The following TEX11 variants were observed in gnomAD, a reference collection of about 807,000 sequenced individuals.
TEX11 encodes the protein testis expressed 11, also known as testis-expressed protein 11.
Under a neutral mutation model 84.4 loss-of-function variants are expected in TEX11, and 7 were observed. The ratio of observed to expected loss-of-function variants is 0.08; its 90% CI spans 0.05 to 0.16. TEX11 has a LOEUF of 0.16. Ranked by LOEUF, TEX11 falls within the 10% of genes least tolerant of loss-of-function variation. TEX11 has a pLI of 1.00. For missense variants in TEX11, 551 were observed against 660.5 expected (o/e 0.83, Z 1.82); for synonymous variants, 264 against 222.8 (o/e 1.18, Z -1.64).
At chrX:70,677,883 G>A (rs984541029) in intron 15 of TEX11, among the ~76,000 whole-genome samples, 1 of 96,177 alleles carries the variant, frequency 1.0e-5, no homozygotes, top group African/African-American at 4.0e-5. Context: ...GCGCGATCTC[G>A]GCTCACTGCA....
chrX:70,857,200 C>A, intron 5 of TEX11: 1 of 119,751 alleles, frequency 8.4e-6, no homozygotes, highest in South Asian at 3.3e-4. Flanking sequence ...GGGAGTCAGG[C>A]GTAGACTTGA....
In TEX11 at chrX:70,853,061, G is replaced by A. The variant is rs755626796; in HGVS notation, c.498C>T (p.Phe166=). The A allele has an allele frequency of 1.7e-6, 2 of 1,209,190 alleles. No individual in the cohort carries two copies. Among genetic ancestry groups the A allele is most frequent in the South Asian group, 3.5e-5 (2 of 56,492 alleles). Residue 166 remains phenylalanine, a synonymous_variant, in exon 7 of 30, where the codon TTC becomes TTT. Coordinates refer to ENST00000374333, the MANE Select transcript of TEX11 (RefSeq NM_031276.3). The part of the protein sequence containing the change: ...MEKITVESDH[F]RVLSYQAESA... ...ACTCTGCTTGGTAAGAAAGCACTCTGAAGTGGTCACTCTCAACAGTAATCT... is the reference window on the plus strand; with the variant it reads ...ACTCTGCTTGGTAAGAAAGCACTCTAAAGTGGTCACTCTCAACAGTAATCT...
rs140935829 is a variant in TEX11, at chrX:70,531,636, G to A, written c.2521-1637C>T. Among the ~76,000 whole-genome samples the A allele has an allele frequency of 4.8e-3, 533 of 111,607 alleles. 4 individuals carry two copies. Among genetic ancestry groups the A allele is most frequent in the Middle Eastern group, 0.014 (3 of 217 alleles). ...AGAGACAGAAAGGAGATTTGTGGTT[G>A]CCAGGGGCTGGGGAAGGGAGGTATG... On this transcript the variant is annotated intron_variant, in intron 28 of 29. Coordinates refer to ENST00000374333, the MANE Select transcript of TEX11 (RefSeq NM_031276.3).
intron 18 of TEX11, among the ~76,000 whole-genome samples, chrX:70,626,408 C>T (rs1023918402): frequency 9.1e-6 from 1 of 110,340 alleles, no homozygotes; most frequent in African/African-American, 3.3e-5. Flanking sequence ...ACACATTCTA[C>T]TTTCTGTCTA....
At chrX:70,635,388 C>T (rs898474565) in intron 17 of TEX11, among the ~76,000 whole-genome samples, 4 of 112,124 alleles carry the variant, frequency 3.6e-5, no homozygotes, top group Non-Finnish European at 7.5e-5. Flanking sequence ...TCCTGCAGAC[C>T]CAGGCTCCAG....
rs1205300375 is a variant in TEX11 at position 70,599,677 on chromosome X, A to C, written c.2067+5724T>G. 7.0e-3 allele frequency among the ~76,000 whole-genome samples: 314 copies of C among 44,700 alleles called. 1 individual carries two copies. The highest frequency in any genetic ancestry group is 9.8e-3 in the Non-Finnish European group (255 of 26,032). The allele number at this position is 44,700 out of a possible 115,157, so 38.8% of individuals were successfully genotyped here. A position where few individuals can be genotyped will look rare whatever the true frequency, so the allele number is the denominator to read the frequency against. On this transcript the variant is annotated intron_variant, in intron 24 of 29. Transcript: ENST00000374333. The stretch of plus-strand genomic sequence containing the variant: ...CAATGCTATCCCTCCCCCTCCCCCC[A>C]CCCCACAACAGTCCCCAGAGTGTGA...
chrX:70,827,037 G>T (rs1327769722), intron 8 of TEX11, among the ~76,000 whole-genome samples: 2 of 111,328 alleles, frequency 1.8e-5, no homozygotes, highest in Non-Finnish European at 3.8e-5. Context: ...GGGAAGGGAA[G>T]AGTAAAGAGG....
intron 15 of TEX11, among the ~76,000 whole-genome samples, chrX:70,675,207 C>T (rs2090060228): frequency 8.9e-6 from 1 of 111,857 alleles, no homozygotes; most frequent in Non-Finnish European, 1.9e-5. Flanking sequence ...AAAATCTTAT[C>T]AATTACTCAT....
At chrX:70,537,771 A>G (rs1324827063) in intron 28 of TEX11, among the ~76,000 whole-genome samples, 1 of 111,136 alleles carries the variant, frequency 9.0e-6, no homozygotes, top group Non-Finnish European at 1.9e-5. Context: ...GGTGGCTTAT[A>G]TGGGAGGTAG....
At chrX:70,733,434 A>G (rs937843879) in intron 11 of TEX11, among the ~76,000 whole-genome samples, 1 of 111,874 alleles carries the variant, frequency 8.9e-6, no homozygotes, top group African/African-American at 3.3e-5. Flanking sequence ...AGAATCTACA[A>G]TGAACTGAAA....
intron 28 of TEX11, among the ~76,000 whole-genome samples, chrX:70,550,924 C>T (rs754258630): frequency 8.9e-6 from 1 of 111,796 alleles, no homozygotes; most frequent in African/African-American, 3.3e-5. Flanking sequence ...GAAAGGAAAT[C>T]AGTATATCAA....
intron 2 of TEX11, among the ~76,000 whole-genome samples, chrX:70,888,810 A>G (rs1003541954): frequency 1.8e-5 from 2 of 111,785 alleles, no homozygotes; most frequent in African/African-American, 6.5e-5. Context: ...GCTCAAGGAT[A>G]AAGAAAAGAT....
chrX:70,833,496 A>G lies in TEX11; in HGVS notation c.606+17T>C, dbSNP rs200906031. ...TAGCATATTTTCAAACTCTTGGAGA[A>G]TGCAGACTTCACTCACCATCTGGGG... On this transcript the variant is annotated intron_variant, in intron 8 of 29. Transcript: ENST00000374333. 34 of 1,176,702 alleles carry G rather than the reference A, an allele frequency of 2.9e-5. No homozygotes were observed. In the East Asian group the frequency reaches 9.9e-4, roughly 34 times the overall value.
chrX:70,853,150 G>C lies in TEX11; in HGVS notation c.409C>G (p.Leu137Val). The C allele has an allele frequency of 8.3e-7, 1 of 1,210,372 alleles. No individual in the cohort carries two copies. The highest frequency in any genetic ancestry group is 1.1e-6 in the Non-Finnish European group (1 of 894,861). Reference protein sequence around the residue: ...DECFQAAVASLEQLYVKLIQR... With the variant: ...DECFQAAVASVEQLYVKLIQR... ...ATTAATTTGACGTATAATTGCTCCA[G>C]ACTCTGGAAAATAAACCCACAGTAC... Residue 137 changes from leucine (L) to valine (V), a missense_variant, in exon 7 of 30, where the codon CTG becomes GTG. Coordinates refer to ENST00000374333, the MANE Select transcript of TEX11 (RefSeq NM_031276.3).
chrX:70,672,396 T>C (rs1290632977), intron 15 of TEX11, among the ~76,000 whole-genome samples: 1 of 112,061 alleles, frequency 8.9e-6, no homozygotes, highest in Non-Finnish European at 1.9e-5. Context: ...CTGGATCACA[T>C]GATAGGGGCA....
chrX:70,682,604 A>G, intron 14 of TEX11, 70 bp downstream of exon 14: 5 of 1,088,612 alleles, frequency 4.6e-6, no homozygotes, highest in Non-Finnish European at 6.2e-6. Flanking sequence ...GGATTTTGCT[A>G]TTACTCTGAC....
intron 2 of TEX11, among the ~76,000 whole-genome samples, chrX:70,901,847 A>G (rs2147890390): frequency 8.9e-6 from 1 of 112,701 alleles, no homozygotes; most frequent in Admixed American, 9.4e-5. Context: ...TAGGCTACAA[A>G]CCTATAACTC....
At chrX:70,784,024 A>G (rs2091060454) in intron 9 of TEX11, among the ~76,000 whole-genome samples, 1 of 111,791 alleles carries the variant, frequency 8.9e-6, no homozygotes, top group Admixed American at 9.5e-5. Context: ...ACACAACAAA[A>G]AAAAAGAGAA....
At chrX:70,816,880 C>CCA (rs1329906122) in intron 8 of TEX11, among the ~76,000 whole-genome samples, 14 of 110,588 alleles carry the variant, frequency 1.3e-4, no homozygotes, top group Non-Finnish European at 1.7e-4. Context: ...AATGAAGAAT[C>CCA]AGAGAATGAG....
Sources: allele counts gnomAD v4.1 joint callset (sites outside exome capture counted in the v4.1 genomes callset), GRCh38; gene constraint gnomAD v4.1.1; transcripts MANE v1.5; gene names NCBI Gene and HGNC (gene_info 2026-07-23, HGNC 2026-07-21).